The following HEBP1 variants were observed in gnomAD, a reference collection of about 807,000 sequenced individuals.
HEBP1 encodes heme binding protein 1, also known as heme-binding protein 1.
Under a neutral mutation model 20.4 loss-of-function variants are expected in HEBP1, and 13 were observed. The ratio of observed to expected loss-of-function variants is 0.64; its 90% confidence interval spans 0.42 to 1.01. The LOEUF is 1.01. Ranked by LOEUF, HEBP1 falls within the 50% of genes least tolerant of loss-of-function variation. The probability of loss-of-function intolerance (pLI) is 0.00; values close to 1 mark genes in which losing one functional copy is unlikely to be tolerated. For missense variants in HEBP1, 241 were observed against 247.3 expected (o/e 0.97, Z 0.17); for synonymous variants, 92 against 90.7 (o/e 1.01, Z -0.08).
chr12:12,992,195 A>G (rs1325173963), intron 1 of HEBP1, among the ~76,000 whole-genome samples: 2 of 152,020 alleles, frequency 1.3e-5, no homozygotes, highest in African/African-American at 2.4e-5. Context: ...AGTCTCAATG[A>G]GCATATTTAA....
In HEBP1 at chr12:12,996,395, G is replaced by C. The variant is rs1864290506; in HGVS notation, c.78+3642C>G. Among the ~76,000 whole-genome samples the C allele has an allele frequency of 6.6e-6, 1 of 152,178 alleles. No homozygotes were observed. ...CCCACCCAATCCAACACAGAGAGCT[G>C]TCTACCCTCCTCCCTCCCTGAGCAA... On this transcript the variant is annotated intron_variant, in intron 1 of 3. Transcript: ENST00000014930. The surrounding 1 kb of genome is among the most constrained non-coding windows in gnomAD (Gnocchi z 4.1).
At chr12:12,983,988 G>A in intron 3 of HEBP1, 3 of 286,222 alleles carry the variant, frequency 1.0e-5, no homozygotes, top group Admixed American at 4.7e-5. Context: ...GCCAACAGTG[G>A]GGCAATTAGA....
At chr12:12,984,035 G>GT (rs1864120044) in intron 3 of HEBP1, 1 of 229,876 alleles carries the variant, frequency 4.4e-6, no homozygotes, top group Non-Finnish European at 8.9e-6. Context: ...AAACTGAAAC[G>GT]TATCAAATAT....
intron 1 of HEBP1, among the ~76,000 whole-genome samples, chr12:12,991,362 C>T (rs1864223571): frequency 6.6e-6 from 1 of 152,218 alleles, no homozygotes; most frequent in East Asian, 1.9e-4. Flanking sequence ...CTCCCAGACA[C>T]AGCATATCCT....
At chr12:12,993,842 AT>A (rs1323631684) in intron 1 of HEBP1, among the ~76,000 whole-genome samples, 3 of 152,138 alleles carry the variant, frequency 2.0e-5, no homozygotes. Context: ...ATCTAATGAT[AT>A]TTTTAGGGGG....
intron 1 of HEBP1, among the ~76,000 whole-genome samples, chr12:12,994,539 A>G (rs1307893397): frequency 6.6e-6 from 1 of 152,202 alleles, no homozygotes; most frequent in African/African-American, 2.4e-5. Context: ...CAAAGTCCAC[A>G]GCAAGGAAAG....
intron 3 of HEBP1, among the ~76,000 whole-genome samples, chr12:12,982,540 T>A (rs1485237347): frequency 2.0e-5 from 3 of 152,194 alleles, no homozygotes; most frequent in African/African-American, 7.2e-5. Flanking sequence ...TAGGCGGAAC[T>A]TCCCAAGCTG....
intron 1 of HEBP1, among the ~76,000 whole-genome samples, chr12:12,993,123 C>T (rs1864244368): frequency 6.0e-5 from 3 of 50,218 alleles, no homozygotes; most frequent in South Asian, 1.5e-3. Flanking sequence ...TCTTTCGTTT[C>T]CCCCTCCCTC....
chr12:12,993,175 C>T (rs1322298322), intron 1 of HEBP1, among the ~76,000 whole-genome samples: 1 of 109,750 alleles, frequency 9.1e-6, no homozygotes, highest in Non-Finnish European at 1.7e-5. Flanking sequence ...TCCTCTCTCT[C>T]TCTCTCTTTC....
intron 2 of HEBP1, among the ~76,000 whole-genome samples, chr12:12,988,434 A>G (rs1555115031): frequency 2.0e-5 from 3 of 152,112 alleles, no homozygotes; most frequent in Non-Finnish European, 2.9e-5. Context: ...TTTTAAAGCA[A>G]GTTTTTTAAG....
chr12:12,979,593 TG>T (rs1264517980), intron 3 of HEBP1: 1 of 152,236 alleles, frequency 6.6e-6, no homozygotes, highest in Admixed American at 6.5e-5. Flanking sequence ...GTGGGCCCAC[TG>T]CTCTCCGAAT....
intron 2 of HEBP1, among the ~76,000 whole-genome samples, chr12:12,988,823 A>T (rs185305767): frequency 3.3e-5 from 5 of 152,120 alleles, no homozygotes; most frequent in Non-Finnish European, 7.4e-5. Flanking sequence ...CAGGGTCTGG[A>T]ACCTCACTGC....
chr12:12,975,602 G>A, intron 3 of HEBP1, 123 bp from the exon 4 acceptor site: 1 of 763,130 alleles, frequency 1.3e-6, no homozygotes, highest in Non-Finnish European at 2.0e-6. Flanking sequence ...TAAGACTGGG[G>A]ACTGAGTCAC....
At chr12:12,992,992 G>A (rs1864242994) in intron 1 of HEBP1, among the ~76,000 whole-genome samples, 2 of 152,172 alleles carry the variant, frequency 1.3e-5, no homozygotes, top group Non-Finnish European at 2.9e-5. Flanking sequence ...CCAAACTCTA[G>A]TCTACTCCAG....
chr12:12,992,029 A>G (rs2136548908), intron 1 of HEBP1, among the ~76,000 whole-genome samples: 1 of 152,322 alleles, frequency 6.6e-6, no homozygotes, highest in South Asian at 2.1e-4. Context: ...AAACAGACAC[A>G]TGGTAGGGAA....
intron 1 of HEBP1, 89 bp from the exon 2 acceptor site, chr12:12,989,504 T>C (rs1045408589): frequency 1.5e-6 from 2 of 1,318,952 alleles, no homozygotes; most frequent in Non-Finnish European, 2.1e-6. Flanking sequence ...TAAAAAACTT[T>C]CCTTGGTGGG....
chr12:12,999,887 G>A (rs1864333099), intron 1 of HEBP1, 150 bp downstream of exon 1: 3 of 491,484 alleles, frequency 6.1e-6, no homozygotes, highest in Non-Finnish European at 1.1e-5. Context: ...AATGCTGGGC[G>A]GTGGAGAGCC....
In HEBP1 at chr12:13,000,085, G is replaced by C; in HGVS notation, c.30C>G (p.Phe10Leu). 6.2e-7 allele frequency: 1 copy of C among 1,612,624 alleles called. No individual in the cohort carries two copies. Among genetic ancestry groups the C allele is most frequent in the Non-Finnish European group, 8.5e-7 (1 of 1,179,242 alleles). Residue 10 changes from phenylalanine (F) to leucine (L), a missense_variant, in exon 1 of 4, where the codon TTC becomes TTG. Transcript: ENST00000014930. The part of the protein sequence containing the change: MLGMIKNSL[F>L]GSVETWPWQV... ...GCCAAGGCCACGTCTCTACGCTTCC[G>C]AACAGCGAGTTCTTGATCATGCCCA...
At chr12:12,976,955 C>T (rs1397077195) in intron 3 of HEBP1, among the ~76,000 whole-genome samples, 1 of 152,178 alleles carries the variant, frequency 6.6e-6, no homozygotes, top group African/African-American at 2.4e-5. Context: ...TGAAATGAAT[C>T]AAGTGCTGGA....
Sources: gnomAD v4.1 joint callset for allele counts (sites outside exome capture counted in the v4.1 genomes callset) on GRCh38, gnomAD v4.1.1 for gene constraint, Gnocchi (gnomAD v3.1) non-coding constraint, MANE v1.5 for transcripts, NCBI Gene and HGNC (gene_info 2026-07-23, HGNC 2026-07-21) for gene names.